ARSB: variants seen among roughly 807,000 people sequenced by gnomAD.
The protein encoded by ARSB is N-acetylgalactosamine-4-sulfatase.
In ARSB, 41 loss-of-function variants were observed where a neutral mutation model predicts 50.9. The observed-to-expected ratio is 0.81, with a 90% CI of 0.63 to 1.04. The LOEUF is 1.04. ARSB is among the 50% of genes least tolerant of loss of function. The pLI is 0.00. For synonymous variants in ARSB, 269 were observed against 284.8 expected (o/e 0.94, Z 0.56); for missense variants, 672 against 693.3 (o/e 0.97, Z 0.35).
chr5:78,834,579 T>C (rs1744848448), intron 6 of ARSB, among the ~76,000 whole-genome samples: 1 of 143,598 alleles, frequency 7.0e-6, no homozygotes, highest in South Asian at 2.2e-4. Flanking sequence ...CTGTTAGTGC[T>C]GGATACTATT....
chr5:78,788,634 T>C (rs557117626), intron 6 of ARSB, among the ~76,000 whole-genome samples: 1 of 152,346 alleles, frequency 6.6e-6, no homozygotes, highest in South Asian at 2.1e-4. Flanking sequence ...ACACTGTTGC[T>C]CAGGCTAAAA....
At chr5:78,791,880 TG>T (rs1554070515) in intron 6 of ARSB, among the ~76,000 whole-genome samples, 4 of 152,056 alleles carry the variant, frequency 2.6e-5, no homozygotes, top group Non-Finnish European at 5.9e-5. Flanking sequence ...AGCTGGGAAG[TG>T]GGGCTGTGCA....
intron 4 of ARSB, among the ~76,000 whole-genome samples, chr5:78,896,304 G>A (rs1748556104): frequency 6.6e-6 from 1 of 152,126 alleles, no homozygotes; most frequent in Admixed American, 6.5e-5. Context: ...GCAGAGGCTT[G>A]TGCAAGGATG....
intron 6 of ARSB, among the ~76,000 whole-genome samples, chr5:78,826,717 C>G (rs1744446977): frequency 6.6e-6 from 1 of 152,182 alleles, no homozygotes; most frequent in African/African-American, 2.4e-5. Flanking sequence ...ACAAATAGCA[C>G]AGGTGTTACC....
intron 4 of ARSB, among the ~76,000 whole-genome samples, chr5:78,949,413 G>C (rs1415299118): frequency 6.6e-6 from 1 of 152,052 alleles, no homozygotes; most frequent in Non-Finnish European, 1.5e-5. Flanking sequence ...TGAGAGAAGT[G>C]GGAAAAAATG....
chr5:78,804,872 T>G (rs1202579689), intron 6 of ARSB, among the ~76,000 whole-genome samples: 1 of 152,190 alleles, frequency 6.6e-6, no homozygotes, highest in South Asian at 2.1e-4. Context: ...AAGTCTCCTG[T>G]AAAATCAAGG....
chr5:78,949,543 A>T (rs929056370), intron 4 of ARSB, among the ~76,000 whole-genome samples: 1 of 152,248 alleles, frequency 6.6e-6, no homozygotes, highest in African/African-American at 2.4e-5. Context: ...TCTCTGGAGA[A>T]AGAAATGCAA....
chr5:78,973,934 G>T (rs1430910237), intron 1 of ARSB, among the ~76,000 whole-genome samples: 2 of 152,120 alleles, frequency 1.3e-5, no homozygotes, highest in Admixed American at 6.6e-5. Context: ...AGAAAAATGG[G>T]CCACTCTACC....
At chr5:78,872,237 C>A (rs1289957671) in intron 5 of ARSB, among the ~76,000 whole-genome samples, 1 of 151,374 alleles carries the variant, frequency 6.6e-6, no homozygotes, top group East Asian at 1.9e-4. Context: ...ACTAGTTCAA[C>A]CATTGTGGAA....
At chr5:78,954,177 G>A (rs1299913478) in intron 4 of ARSB, among the ~76,000 whole-genome samples, 3 of 151,878 alleles carry the variant, frequency 2.0e-5, no homozygotes, top group Non-Finnish European at 2.9e-5. Flanking sequence ...AGAAAAAATA[G>A]GGGAAGGTGG....
intron 6 of ARSB, among the ~76,000 whole-genome samples, chr5:78,810,609 C>T (rs780093716): frequency 1.8e-4 from 27 of 152,194 alleles, no homozygotes; most frequent in Non-Finnish European, 3.2e-4. Flanking sequence ...AGCAAAGCTG[C>T]GCCTTTAACC....
chr5:78,872,380 G>A (rs1164105231), intron 5 of ARSB, among the ~76,000 whole-genome samples: 4 of 141,668 alleles, frequency 2.8e-5, no homozygotes, highest in Non-Finnish European at 4.7e-5. Context: ...TGTTTATTGT[G>A]GCATTATTCA....
chr5:78,953,446 T>A (rs888359896), intron 4 of ARSB, among the ~76,000 whole-genome samples: 1 of 152,206 alleles, frequency 6.6e-6, no homozygotes, highest in Non-Finnish European at 1.5e-5. Context: ...ATCATGAGGA[T>A]TCACTGAACT....
At chr5:78,875,651 CAAT>C (rs1293803560) in intron 5 of ARSB, among the ~76,000 whole-genome samples, 1 of 150,640 alleles carries the variant, frequency 6.6e-6, no homozygotes, top group Non-Finnish European at 1.5e-5. Context: ...TCATTTTTAA[CAAT>C]AATTATTTAT....
chr5:78,796,820 A>G (rs1368842574), intron 6 of ARSB, among the ~76,000 whole-genome samples: 2 of 148,030 alleles, frequency 1.4e-5, no homozygotes, highest in Admixed American at 1.3e-4. Context: ...TGCCCAGCTA[A>G]TTTTTGTATT....
chr5:78,863,590 C>T (rs912194244), intron 5 of ARSB, among the ~76,000 whole-genome samples: 24 of 131,814 alleles, frequency 1.8e-4, no homozygotes, highest in African/African-American at 6.5e-4. Flanking sequence ...GGGAACATCA[C>T]ACACTGGGGC....
intron 4 of ARSB, among the ~76,000 whole-genome samples, chr5:78,886,172 G>A (rs1472149380): frequency 6.6e-6 from 1 of 152,132 alleles, no homozygotes; most frequent in Non-Finnish European, 1.5e-5. Flanking sequence ...ATGGGAGAAT[G>A]AGTCCATGGA....
intron 4 of ARSB, among the ~76,000 whole-genome samples, chr5:78,927,675 A>G (rs1426648934): frequency 6.6e-6 from 1 of 152,210 alleles, no homozygotes; most frequent in Admixed American, 6.5e-5. Context: ...CTGATGCCAC[A>G]CTAGCTTGGA....
chr5:78,901,181 A>G (rs1320107498), intron 4 of ARSB, among the ~76,000 whole-genome samples: 1 of 152,174 alleles, frequency 6.6e-6, no homozygotes, highest in East Asian at 1.9e-4. Flanking sequence ...AATCCAGGAC[A>G]ATCTCCTCAT....
Sources: gnomAD v4.1 joint callset for allele counts (sites outside exome capture counted in the v4.1 genomes callset) on GRCh38, gnomAD v4.1.1 for gene constraint, MANE v1.5 for transcripts, NCBI Gene and HGNC (gene_info 2026-07-23, HGNC 2026-07-21) for gene names.